Variants in NHS observed in about 807,000 individuals in gnomAD.
NHS encodes the protein actin remodeling regulator NHS.
A neutral mutation model predicts 72.5 loss-of-function variants in NHS; 5 were observed. The ratio of observed to expected loss-of-function variants is 0.07; its 90% CI spans 0.04 to 0.14. The LOEUF is 0.14. Ranked by LOEUF, NHS falls within the 10% of genes least tolerant of loss-of-function variation. The pLI is 1.00. For missense variants in NHS, 1,072 were observed against 1,355.7 expected (o/e 0.79, Z 3.29); for synonymous variants, 464 against 547.7 (o/e 0.85, Z 2.13).
At chrX:17,519,243 A>T (rs1301463824) in intron 1 of NHS, among the ~76,000 whole-genome samples, 1 of 111,793 alleles carries the variant, frequency 8.9e-6, no homozygotes, top group Non-Finnish European at 1.9e-5. Context: ...AAGCAATGGG[A>T]ATGAATGCAG....
At chrX:17,390,263 T>G (rs758889301) in intron 1 of NHS, among the ~76,000 whole-genome samples, 1 of 112,611 alleles carries the variant, frequency 8.9e-6, no homozygotes, top group African/African-American at 3.2e-5. Context: ...ATATTTATGT[T>G]TCTCTCCAGT....
intron 3 of NHS, among the ~76,000 whole-genome samples, chrX:17,718,661 A>C (rs1466405222): frequency 2.3e-5 from 2 of 88,696 alleles, no homozygotes; most frequent in Non-Finnish European, 4.5e-5. Context: ...AAGGAAGGGA[A>C]GTAGGAAAGG....
chrX:17,661,426 C>T, intron 1 of NHS, among the ~76,000 whole-genome samples: 1 of 109,622 alleles, frequency 9.1e-6, no homozygotes, highest in Middle Eastern at 4.7e-3. Flanking sequence ...TCTCCCCTTG[C>T]CCCCCACCCC....
chrX:17,469,856 T>G lies in NHS; in HGVS notation c.565+93534T>G, dbSNP rs1395351196. ...CAGGGTTTTGCCATGTTGGCTAGGCTGGTCTCAAACTCCTTACCTCAGGTG... is the reference window on the plus strand; with the variant it reads ...CAGGGTTTTGCCATGTTGGCTAGGCGGGTCTCAAACTCCTTACCTCAGGTG... On this transcript the variant is annotated intron_variant, in intron 1 of 8. Transcript: ENST00000676302. Among the ~76,000 whole-genome samples, 5 of 112,057 alleles carry G rather than the reference T, an allele frequency of 4.5e-5. No individual in the cohort carries two copies. The East Asian group carries it at 1.4e-3, about 32-fold the overall frequency.
intron 1 of NHS, among the ~76,000 whole-genome samples, chrX:17,569,346 A>G (rs1324874163): frequency 2.1e-5 from 2 of 97,097 alleles, no homozygotes; most frequent in Non-Finnish European, 3.8e-5. Context: ...TGACTTTTTA[A>G]TGATCGCCAT....
At chrX:17,496,322 G>A (rs1436125825) in intron 1 of NHS, among the ~76,000 whole-genome samples, 1 of 111,363 alleles carries the variant, frequency 9.0e-6, no homozygotes, top group Non-Finnish European at 1.9e-5. Context: ...AAGGACCCCT[G>A]ATTTAGCCTG....
At chrX:17,691,717 C>A (rs1409638798) in intron 2 of NHS, among the ~76,000 whole-genome samples, 2 of 112,008 alleles carry the variant, frequency 1.8e-5, no homozygotes, top group Admixed American at 1.9e-4. Flanking sequence ...AAGGCACCCA[C>A]CACAGCCCAT....
chrX:17,732,190 A>T lies in NHS; in HGVS notation c.4682A>T (p.Asp1561Val). 2.5e-6 allele frequency: 3 copies of T among 1,211,846 alleles called. No individual in the cohort carries two copies. Among genetic ancestry groups the T allele is most frequent in the Non-Finnish European group, 3.4e-6 (3 of 895,509 alleles). The change falls in exon 9 of 9, where the codon GAT becomes GTT. Residue 1561 changes from aspartate to valine, a missense_variant. By Grantham distance (152) the Asp-to-Val change is radical. Transcript: ENST00000676302. The stretch of plus-strand genomic sequence containing the variant: ...ACAGCAGAGTCCCCTCAGAGCACCG[A>T]TGATGCCCATCAGGGGTCACAAGGG... ...ELTAESPQSTDDAHQGSQGAE... is the reference protein window; with the variant it reads ...ELTAESPQSTVDAHQGSQGAE...
At chrX:17,402,697 GA>G (rs1266252288) in intron 1 of NHS, among the ~76,000 whole-genome samples, 1 of 111,552 alleles carries the variant, frequency 9.0e-6, no homozygotes, top group East Asian at 2.8e-4. Flanking sequence ...TAGGGGTGAT[GA>G]AAATATTCTA....
chrX:17,519,594 G>A (rs1050220857), intron 1 of NHS, among the ~76,000 whole-genome samples: 14 of 111,544 alleles, frequency 1.3e-4, no homozygotes, highest in Non-Finnish European at 1.3e-4. Context: ...CCATCCGCCC[G>A]GATGTTCCGG....
intron 1 of NHS, chrX:17,687,238 C>G (rs1174521516): frequency 6.2e-6 from 1 of 160,298 alleles, no homozygotes; most frequent in Non-Finnish European, 1.2e-5. Context: ...GACGGGACCA[C>G]AAGGGACAGA....
At chrX:17,556,973 GAT>G (rs60343051) in intron 1 of NHS, among the ~76,000 whole-genome samples, 14 of 106,113 alleles carry the variant, frequency 1.3e-4, no homozygotes, top group East Asian at 5.8e-4. Context: ...TTAAAACATG[GAT>G]ATATATATAT....
chrX:17,669,805 C>T (rs997264305), intron 1 of NHS, among the ~76,000 whole-genome samples: 1 of 111,862 alleles, frequency 8.9e-6, no homozygotes, highest in Non-Finnish European at 1.9e-5. Context: ...TTGAGATGAG[C>T]TTTTGGGGAC....
chrX:17,392,658 C>T (rs771819280), intron 1 of NHS, among the ~76,000 whole-genome samples: 1 of 112,184 alleles, frequency 8.9e-6, no homozygotes, highest in Non-Finnish European at 1.9e-5. Context: ...CTGCCTCTCT[C>T]CCTTTCTCTC....
chrX:17,582,381 A>G (rs2065548404), intron 1 of NHS, among the ~76,000 whole-genome samples: 1 of 111,837 alleles, frequency 8.9e-6, no homozygotes, highest in South Asian at 3.7e-4. Context: ...TGATATATTT[A>G]TTTTCCAAGA....
chrX:17,396,910 C>T (rs193082754), intron 1 of NHS, among the ~76,000 whole-genome samples: 105 of 111,957 alleles, frequency 9.4e-4, no homozygotes, highest in African/African-American at 3.2e-3. Context: ...GGATTTATTT[C>T]TATTTCTGAT....
At chrX:17,533,750 G>A (rs2065210099) in intron 1 of NHS, among the ~76,000 whole-genome samples, 1 of 112,000 alleles carries the variant, frequency 8.9e-6, no homozygotes, top group African/African-American at 3.2e-5. Flanking sequence ...AGCCCTTTGG[G>A]TCCCATGACC....
intron 1 of NHS, among the ~76,000 whole-genome samples, chrX:17,506,959 G>GA (rs1199983149): frequency 9.0e-6 from 1 of 111,455 alleles, no homozygotes; most frequent in East Asian, 2.8e-4. Flanking sequence ...TAAGGCTGGG[G>GA]AAAAAAACAC....
intron 1 of NHS, among the ~76,000 whole-genome samples, chrX:17,506,779 G>C (rs947265823): frequency 9.0e-6 from 1 of 111,078 alleles, no homozygotes. Context: ...TAATATGCTA[G>C]AGAGGCTGGA....
Sources: allele counts gnomAD v4.1 joint callset (sites outside exome capture counted in the v4.1 genomes callset), GRCh38; gene constraint gnomAD v4.1.1; transcripts MANE v1.5; gene names NCBI Gene and HGNC (gene_info 2026-07-23, HGNC 2026-07-21).